PSMD11: variants seen among roughly 807,000 people sequenced by gnomAD.
PSMD11 encodes the protein proteasome 26S subunit, non-ATPase 11.
PSMD11 carries 5 observed loss-of-function variants against 62.3 expected under a neutral mutation model. The observed-to-expected ratio is 0.08, with a 90% CI of 0.04 to 0.17. The LOEUF (loss-of-function observed/expected upper bound fraction) is 0.17. Ranked by LOEUF, PSMD11 falls within the 10% of genes least tolerant of loss-of-function variation. The pLI, the probability that PSMD11 is intolerant of heterozygous loss-of-function variation, is 1.00. For missense variants in PSMD11, 310 were observed against 512.9 expected, an observed-to-expected ratio of 0.60 and a Z score of 3.82; for synonymous variants, 191 against 191.8, an observed-to-expected ratio of 1.00 and a Z score of 0.03.
chr17:32,451,131 A>G (rs1193340886), intron 2 of PSMD11, among the ~76,000 whole-genome samples: 2 of 151,660 alleles, frequency 1.3e-5, no homozygotes, highest in African/African-American at 2.4e-5. Flanking sequence ...AAAAAAAAAA[A>G]AAAAGAAAAA....
chr17:32,448,965 C>T lies in PSMD11; in HGVS notation c.193+1919C>T, dbSNP rs559331385. 3.3e-5 allele frequency among the ~76,000 whole-genome samples: 5 copies of T among 152,256 alleles called. No homozygotes were observed. The South Asian group carries it at 8.3e-4, about 25-fold the overall frequency. On this transcript the variant is annotated intron_variant, in intron 2 of 13. Transcript: ENST00000261712. ...CTTTTCATCTTAGGCTGACTTCCTT[C>T]CTATTTAACATACATAAGGATTCCA... is the stretch of plus-strand genomic sequence containing the variant.
At chr17:32,480,323 C>T (rs966116582) in intron 12 of PSMD11, 126 bp downstream of exon 12, 2 of 1,457,266 alleles carry the variant, frequency 1.4e-6, no homozygotes, top group Admixed American at 3.4e-5. Context: ...GGCCCCTCTT[C>T]CCTGTGATGA....
At chr17:32,449,404 C>CA (rs917340864) in intron 2 of PSMD11, among the ~76,000 whole-genome samples, 12 of 152,110 alleles carry the variant, frequency 7.9e-5, no homozygotes, top group African/African-American at 2.9e-4. Context: ...GACCCTGTCT[C>CA]AAAAAAAGAT....
At chr17:32,460,094 C>G (rs1000608821) in intron 3 of PSMD11, among the ~76,000 whole-genome samples, 3 of 152,144 alleles carry the variant, frequency 2.0e-5, no homozygotes, top group African/African-American at 7.2e-5. Context: ...GGGTCTTGGT[C>G]TGTGGCCCAC....
chr17:32,476,158 C>T (rs1031975969), intron 8 of PSMD11, among the ~76,000 whole-genome samples: 1 of 152,114 alleles, frequency 6.6e-6, no homozygotes, highest in Non-Finnish European at 1.5e-5. Flanking sequence ...ATCCCAGCTA[C>T]TCAGGAGGCT....
At chr17:32,472,849 T>C (rs1424746051) in intron 6 of PSMD11, among the ~76,000 whole-genome samples, 10 of 150,772 alleles carry the variant, frequency 6.6e-5, no homozygotes, top group South Asian at 2.1e-4. Flanking sequence ...TTTCTTTTTT[T>C]TTTTTTTTTT....
At chr17:32,451,321 GAT>G (rs1472478109) in intron 2 of PSMD11, among the ~76,000 whole-genome samples, 1 of 152,144 alleles carries the variant, frequency 6.6e-6, no homozygotes, top group Non-Finnish European at 1.5e-5. Flanking sequence ...AACTGCAAAA[GAT>G]AGAAATAACA....
intron 6 of PSMD11, among the ~76,000 whole-genome samples, chr17:32,471,174 C>T (rs138322193): frequency 2.0e-5 from 3 of 152,186 alleles, no homozygotes; most frequent in African/African-American, 7.2e-5. Context: ...CTAATATACA[C>T]AAATAGAGAA....
In PSMD11 at chr17:32,479,829, GTCTC is replaced by G; in HGVS notation, c.1039-18_1039-15del. 6.2e-7 allele frequency: 1 copy of G among 1,612,142 alleles called. No homozygotes were observed. Among genetic ancestry groups the G allele is most frequent in the Non-Finnish European group, 8.5e-7 (1 of 1,178,236 alleles). On this transcript the variant is annotated intron_variant, in intron 10 of 13. Coordinates refer to ENST00000261712, the MANE Select transcript of PSMD11 (RefSeq NM_002815.4). ...CAAAAGTAAAACTTTCAGTGTTGGT[GTCTC>G]TCTGCCTTTCCTTTTAGATTGAACA...
At chr17:32,473,236 G>T (rs1015033041) in intron 6 of PSMD11, among the ~76,000 whole-genome samples, 4 of 151,234 alleles carry the variant, frequency 2.6e-5, no homozygotes, top group African/African-American at 9.7e-5. Context: ...TCCTGCCTCA[G>T]CCTCTCAAAA....
chr17:32,460,270 A>C (rs1223344195), intron 3 of PSMD11, among the ~76,000 whole-genome samples: 1 of 152,082 alleles, frequency 6.6e-6, no homozygotes, highest in African/African-American at 2.4e-5. Flanking sequence ...TATGTTGCCC[A>C]GGCTGGTCTC....
In PSMD11 at chr17:32,480,484, T is replaced by C. The variant is rs1372386342; in HGVS notation, c.1127-5T>C. The C allele has an allele frequency of 6.2e-7, 1 of 1,614,112 alleles. No individual in the cohort carries two copies. The highest frequency in any genetic ancestry group is 8.5e-7 in the Non-Finnish European group (1 of 1,180,034). On this transcript the variant is annotated splice_polypyrimidine_tract_variant and splice_region_variant and intron_variant, in intron 12 of 13. Coordinates refer to ENST00000261712, the MANE Select transcript of PSMD11 (RefSeq NM_002815.4). ...TTACCTGGGTTGCCCTTGTGTTTCT[T>C]GCAGGGATTTTGGACCAGGGGGAGG...
chr17:32,452,662 C>T (rs1194821623), intron 2 of PSMD11, among the ~76,000 whole-genome samples: 1 of 152,190 alleles, frequency 6.6e-6, no homozygotes, highest in Non-Finnish European at 1.5e-5. Flanking sequence ...TGACAGTAGT[C>T]TATTAAAAAG....
intron 6 of PSMD11, among the ~76,000 whole-genome samples, chr17:32,472,384 G>A (rs1908189844): frequency 3.3e-5 from 5 of 151,340 alleles, no homozygotes; most frequent in South Asian, 2.1e-4. Flanking sequence ...CACCAAGGCC[G>A]GCTAATTTTT....
At chr17:32,464,225 A>G in intron 4 of PSMD11, 105 bp downstream of exon 4, 30 of 1,054,398 alleles carry the variant, frequency 2.8e-5, no homozygotes, top group Non-Finnish European at 4.3e-5. Context: ...CTTTGTAATT[A>G]CCTAGATACC....
intron 8 of PSMD11, chr17:32,476,697 A>G (rs1908332920): frequency 6.6e-6 from 1 of 152,202 alleles, no homozygotes; most frequent in African/African-American, 2.4e-5. Context: ...ACCATGTTAG[A>G]AGTTGTTCTC....
intron 8 of PSMD11, 68 bp downstream of exon 8, chr17:32,474,892 G>A (rs978162416): frequency 7.3e-7 from 1 of 1,375,708 alleles, no homozygotes. Flanking sequence ...CACAACGTTT[G>A]ATGAGACCAG....
intron 3 of PSMD11, among the ~76,000 whole-genome samples, chr17:32,461,576 GA>G (rs1263622420): frequency 1.3e-4 from 2 of 15,926 alleles, no homozygotes; most frequent in Non-Finnish European, 2.3e-4. Flanking sequence ...TGTCTCAAAA[GA>G]AAAGAAAAAA....
chr17:32,460,642 G>A (rs577836039), intron 3 of PSMD11, among the ~76,000 whole-genome samples: 28 of 151,920 alleles, frequency 1.8e-4, no homozygotes, highest in African/African-American at 6.5e-4. Context: ...GTGTGGTGGC[G>A]GGCGCCTGAA....
Sources: allele counts gnomAD v4.1 joint callset (sites outside exome capture counted in the v4.1 genomes callset), GRCh38; gene constraint gnomAD v4.1.1; transcripts MANE v1.5; gene names NCBI Gene and HGNC (gene_info 2026-07-23, HGNC 2026-07-21).